Variants in GPC3 observed in about 807,000 individuals in gnomAD.
GPC3 encodes glypican 3, also known as glypican-3.
A neutral mutation model predicts 34.4 loss-of-function variants in GPC3; 3 were observed. The ratio of observed to expected loss-of-function variants is 0.09; its 90% CI spans 0.04 to 0.23. GPC3 has a LOEUF of 0.23. Ranked by LOEUF, GPC3 falls within the 10% of genes least tolerant of loss-of-function variation. GPC3 has a pLI of 1.00. For synonymous variants in GPC3, 177 were observed against 174.0 expected, an observed-to-expected ratio of 1.02 and a Z score of -0.13; for missense variants, 351 against 445.6, an observed-to-expected ratio of 0.79 and a Z score of 1.91.
At chrX:133,728,143 A>T (rs2071428145) in intron 3 of GPC3, among the ~76,000 whole-genome samples, 1 of 111,683 alleles carries the variant, frequency 9.0e-6, no homozygotes, top group African/African-American at 3.3e-5. Context: ...GAAAGGTGCA[A>T]GGCTGGCTTC....
chrX:133,793,749 T>C (rs892363185), intron 2 of GPC3, among the ~76,000 whole-genome samples: 1 of 112,165 alleles, frequency 8.9e-6, no homozygotes, highest in African/African-American at 3.2e-5. Context: ...ATTTCTTCTA[T>C]AAACCTGCAT....
At chrX:133,610,381 GA>G (rs1477041752) in intron 6 of GPC3, among the ~76,000 whole-genome samples, 3 of 110,805 alleles carry the variant, frequency 2.7e-5, no homozygotes, top group Non-Finnish European at 5.7e-5. Context: ...AAGGGAAAAG[GA>G]CAGCTTATAA....
At chrX:133,849,553 G>GT (rs1354949714) in intron 2 of GPC3, among the ~76,000 whole-genome samples, 5 of 111,064 alleles carry the variant, frequency 4.5e-5, no homozygotes, top group Non-Finnish European at 9.4e-5. Context: ...ATTTATTTAT[G>GT]TTTTTTTGGT....
chrX:133,725,263 C>T (rs1184200361), intron 3 of GPC3, among the ~76,000 whole-genome samples: 4 of 111,929 alleles, frequency 3.6e-5, no homozygotes, highest in African/African-American at 1.3e-4. Context: ...TGGCTCATGC[C>T]TATAATCCCA....
At chrX:133,947,486 G>A (rs952320922) in intron 2 of GPC3, among the ~76,000 whole-genome samples, 1 of 111,221 alleles carries the variant, frequency 9.0e-6, no homozygotes, top group African/African-American at 3.3e-5. Context: ...AAAGGGCCCA[G>A]GAAAGGTTTA....
At chrX:133,862,770 G>A (rs1020138989) in intron 2 of GPC3, among the ~76,000 whole-genome samples, 1 of 112,082 alleles carries the variant, frequency 8.9e-6, no homozygotes, top group African/African-American at 3.2e-5. Flanking sequence ...TGCCTCCCAG[G>A]CTTCCACATA....
chrX:133,806,938 G>A (rs754040432), intron 2 of GPC3, among the ~76,000 whole-genome samples: 2 of 111,675 alleles, frequency 1.8e-5, no homozygotes, highest in African/African-American at 3.3e-5. Flanking sequence ...GTGAGCCACC[G>A]CACCCGGCCA....
At chrX:133,850,641 C>T (rs189466048) in intron 2 of GPC3, among the ~76,000 whole-genome samples, 3 of 111,282 alleles carry the variant, frequency 2.7e-5, no homozygotes, top group South Asian at 3.8e-4. Flanking sequence ...TAAGTATGTA[C>T]AAGGCATATC....
rs867078970 is a variant in GPC3 at position 133,627,170 on chromosome X, G to T, written c.1414-30571C>A. ...CACACACTGAGGCCTGTCGCAGGGTGGGGGGAGGGGGGAGGGATAGCATTA... is the reference window on the plus strand; with the variant it reads ...CACACACTGAGGCCTGTCGCAGGGTTGGGGGAGGGGGGAGGGATAGCATTA... On this transcript the variant is annotated intron_variant, in intron 6 of 7. Transcript: ENST00000370818. Among the ~76,000 whole-genome samples the T allele has an allele frequency of 4.6e-3, 309 of 66,993 alleles. 3 individuals carry two copies. The highest frequency in any genetic ancestry group is 0.017 in the African/African-American group (290 of 16,994). 58.2% of individuals were successfully genotyped at this position (66,993 alleles called of 115,157 possible).
At chrX:133,868,838 A>C (rs888007992) in intron 2 of GPC3, among the ~76,000 whole-genome samples, 1 of 111,554 alleles carries the variant, frequency 9.0e-6, no homozygotes, top group East Asian at 2.8e-4. Context: ...CTCTTGGGCC[A>C]CTGCCAAGTG....
rs1359774588 is a variant in GPC3, at chrX:133,683,232, C to T, written c.1292+9137G>A. Reference sequence around the variant, plus strand: ...ATCAGTGGAGTCCATCTGTCACTTACCAAGGCACTACCTTTGAAGGAGGCA... The same window carrying T: ...ATCAGTGGAGTCCATCTGTCACTTATCAAGGCACTACCTTTGAAGGAGGCA... On this transcript the variant is annotated intron_variant, in intron 5 of 7. Transcript: ENST00000370818. Among the ~76,000 whole-genome samples, 40 of 111,887 alleles carry T rather than the reference C, an allele frequency of 3.6e-4. 1 individual carries two copies. Among genetic ancestry groups the T allele is most frequent in the Non-Finnish European group, 5.6e-5 (3 of 53,235 alleles).
At chrX:133,832,319 T>C (rs1233852849) in intron 2 of GPC3, among the ~76,000 whole-genome samples, 1 of 109,138 alleles carries the variant, frequency 9.2e-6, no homozygotes, top group African/African-American at 3.3e-5. Flanking sequence ...ATGACAGAGC[T>C]TACTACCGGT....
At chrX:133,543,098 T>C (rs1002650258) in intron 7 of GPC3, among the ~76,000 whole-genome samples, 8 of 111,194 alleles carry the variant, frequency 7.2e-5, no homozygotes, top group Admixed American at 5.8e-4. Context: ...TAATGGGACT[T>C]CTTTTGGGAA....
At chrX:133,697,799 T>C (rs2071130785) in intron 4 of GPC3, among the ~76,000 whole-genome samples, 1 of 112,177 alleles carries the variant, frequency 8.9e-6, no homozygotes. Flanking sequence ...TTTGTTGTTT[T>C]GTTCAGAGTG....
At chrX:133,647,294 C>T (rs768654924) in intron 6 of GPC3, among the ~76,000 whole-genome samples, 30 of 112,528 alleles carry the variant, frequency 2.7e-4, no homozygotes, top group Non-Finnish European at 3.9e-4. Context: ...GCTGAAGATA[C>T]GGTGGTGAGT....
At chrX:133,597,329 G>C (rs1603183702) in intron 6 of GPC3, among the ~76,000 whole-genome samples, 2 of 111,446 alleles carry the variant, frequency 1.8e-5, no homozygotes, top group African/African-American at 6.5e-5. Context: ...CAGAGACCCA[G>C]CACACCGCAC....
At chrX:133,703,575 T>G (rs1035666619) in intron 3 of GPC3, among the ~76,000 whole-genome samples, 1 of 109,020 alleles carries the variant, frequency 9.2e-6, no homozygotes, top group Non-Finnish European at 1.9e-5. Flanking sequence ...ATTCTCCTGC[T>G]TCAGCCTCCC....
intron 6 of GPC3, among the ~76,000 whole-genome samples, chrX:133,608,859 T>C (rs1445656807): frequency 8.9e-6 from 1 of 112,096 alleles, no homozygotes; most frequent in Non-Finnish European, 1.9e-5. Context: ...TTAAATATGT[T>C]TCAGATAATT....
At chrX:133,947,517 T>G (rs1426941489) in intron 2 of GPC3, among the ~76,000 whole-genome samples, 1 of 112,111 alleles carries the variant, frequency 8.9e-6, no homozygotes, top group Non-Finnish European at 1.9e-5. Context: ...AGCCTCTGGC[T>G]CTACTAAAGC....
Sources: gnomAD v4.1 joint callset for allele counts (sites outside exome capture counted in the v4.1 genomes callset) on GRCh38, gnomAD v4.1.1 for gene constraint, MANE v1.5 for transcripts, NCBI Gene and HGNC (gene_info 2026-07-23, HGNC 2026-07-21) for gene names.